Variants in MED13 observed in about 807,000 individuals in gnomAD.
MED13 encodes mediator complex subunit 13, also known as mediator of RNA polymerase II transcription subunit 13.
A neutral mutation model predicts 225.2 loss-of-function variants in MED13; 23 were observed. The ratio of observed to expected loss-of-function variants is 0.10; its 90% CI spans 0.07 to 0.14. MED13 has a LOEUF of 0.14. Ranked by LOEUF, MED13 falls within the 10% of genes least tolerant of loss-of-function variation. The pLI is 1.00. For missense variants in MED13, 2,197 were observed against 2,594.5 expected (o/e 0.85, Z 3.33); for synonymous variants, 942 against 889.2 (o/e 1.06, Z -1.06).
At position 62,033,855 on chromosome 17, in the gene MED13, A is replaced by G. The variant is rs773966825; in HGVS notation, c.746T>C (p.Met249Thr). ...CATATCTTCCTGTTTTTCTTCAGACATCTCCTTCAAGCAACATGAGATAGG... is the reference window on the plus strand; with the variant it reads ...CATATCTTCCTGTTTTTCTTCAGACGTCTCCTTCAAGCAACATGAGATAGG... ...FYPISCCLKEMSEEKQEDMDW... is the reference protein window; with the variant it reads ...FYPISCCLKETSEEKQEDMDW... The change falls in exon 5 of 30, where the codon ATG (methionine) becomes ACG (threonine). Residue 249 changes from methionine (M) to threonine (T), a missense_variant. Around this residue, in one of 12 missense-constraint regions of MED13, gnomAD observed 884 missense variants for 918.5 expected, o/e 0.96. Transcript: ENST00000397786. 2 of 1,614,112 alleles carry G rather than the reference A, an allele frequency of 1.2e-6. No individual in the cohort carries two copies. The highest frequency in any genetic ancestry group is 1.1e-5 in the South Asian group (1 of 91,082).
At chr17:61,948,116 T>TA (rs1294571713) in intron 28 of MED13, among the ~76,000 whole-genome samples, 1 of 151,768 alleles carries the variant, frequency 6.6e-6, no homozygotes, top group Non-Finnish European at 1.5e-5. Context: ...ATTCCTATGA[T>TA]AAAAAGGGAT....
In MED13 at chr17:61,955,746, A is replaced by G; in HGVS notation, c.5716T>C (p.Ser1906Pro). The G allele has an allele frequency of 6.2e-7, 1 of 1,609,430 alleles. No individual in the cohort carries two copies. Among genetic ancestry groups the G allele is most frequent in the Non-Finnish European group, 8.5e-7 (1 of 1,177,786 alleles). The change falls in exon 25 of 30, where the codon TCC becomes CCC. Residue 1906 changes from serine (S) to proline (P), a missense_variant. Ser to Pro is a moderately conservative substitution (Grantham distance 74). Around this residue, in one of 12 missense-constraint regions of MED13, gnomAD observed 216 missense variants for 388.9 expected, o/e 0.56. Coordinates refer to ENST00000397786, the MANE Select transcript of MED13 (RefSeq NM_005121.3). ...AAGCAAGCACTGAGAATGCTAGGGGAGTCTGCAGCAGATATACCACACATT... is the reference window on the plus strand; with the variant it reads ...AAGCAAGCACTGAGAATGCTAGGGGGGTCTGCAGCAGATATACCACACATT... ...CRMCGISAAD[S>P]PSILSACLVA...
rs984294268 is a variant in MED13 at position 62,031,370 on chromosome 17, A to G, written c.1009+74T>C. The stretch of plus-strand genomic sequence containing the variant: ...AAGAAGTTTGAAACTATTTCAAAAT[A>G]AATTATTTCTTAAGTACTTACTGTA... On this transcript the variant is annotated intron_variant, in intron 6 of 29. Transcript: ENST00000397786. The G allele has an allele frequency of 4.9e-6, 6 of 1,229,546 alleles. No individual in the cohort carries two copies. The African/African-American group carries it at 9.3e-5, about 19-fold the overall frequency. 76.2% of individuals were successfully genotyped at this position (1,229,546 alleles called of 1,614,324 possible). A position where few individuals can be genotyped will look rare whatever the true frequency, so the allele number is the denominator to read the frequency against.
chr17:61,994,367 T>C (rs950884765), intron 10 of MED13, among the ~76,000 whole-genome samples: 3 of 152,224 alleles, frequency 2.0e-5, no homozygotes, highest in East Asian at 1.9e-4. Flanking sequence ...CAAATTCTCA[T>C]ATATTTGATT....
chr17:61,990,554 T>A (rs1234202575), intron 11 of MED13, among the ~76,000 whole-genome samples: 2 of 150,510 alleles, frequency 1.3e-5, no homozygotes, highest in East Asian at 3.9e-4. Context: ...ATATATATAT[T>A]TTTTAGTATG....
intron 8 of MED13, among the ~76,000 whole-genome samples, chr17:62,018,881 A>C (rs1220881274): frequency 1.3e-5 from 2 of 152,246 alleles, no homozygotes; most frequent in African/African-American, 4.8e-5. Flanking sequence ...AAAATGTGCC[A>C]ACATTCAGAT....
At chr17:61,976,179 G>A (rs926201058) in intron 16 of MED13, among the ~76,000 whole-genome samples, 3 of 152,148 alleles carry the variant, frequency 2.0e-5, no homozygotes, top group Non-Finnish European at 4.4e-5. Context: ...ATCAACTAAT[G>A]AATGGATAAA....
chr17:61,971,445 C>T (rs1301324824), intron 17 of MED13, among the ~76,000 whole-genome samples: 4 of 151,748 alleles, frequency 2.6e-5, no homozygotes, highest in Admixed American at 6.6e-5. Context: ...ATTACAGACA[C>T]GCACCACCAT....
intron 8 of MED13, among the ~76,000 whole-genome samples, chr17:62,015,948 ATATATATTTTTTTTTTTTT>A (rs1361623233): frequency 6.2e-4 from 9 of 14,630 alleles, no homozygotes; most frequent in African/African-American, 1.3e-3. Context: ...ATATATATAT[ATATATATTTTTTTTTTTTT>A]TTTTTTTTTT....
intron 10 of MED13, among the ~76,000 whole-genome samples, chr17:61,993,615 T>G (rs1160302753): frequency 1.3e-5 from 2 of 152,042 alleles, no homozygotes; most frequent in African/African-American, 2.4e-5. Context: ...TAAAACTTTG[T>G]GAAACTAATT....
At chr17:61,947,093 AAT>A in intron 28 of MED13, 76 bp from the exon 29 acceptor site, 1 of 956,728 alleles carries the variant, frequency 1.0e-6, no homozygotes, top group Non-Finnish European at 1.7e-6. Flanking sequence ...TTATTCTCCC[AAT>A]ATATCTTATA....
chr17:62,010,378 A>T, intron 9 of MED13, 172 bp downstream of exon 9: 1 of 428,958 alleles, frequency 2.3e-6, no homozygotes. Flanking sequence ...GTTATTTCAT[A>T]ATGAAGAAGT....
At position 62,065,146 on chromosome 17, in the gene MED13, G is replaced by A; in HGVS notation, c.60C>T (p.Phe20=). The A allele has an allele frequency of 6.3e-7, 1 of 1,575,278 alleles. No individual in the cohort carries two copies. Residue 20 remains phenylalanine (F), a synonymous_variant, in exon 1 of 30, where the codon TTC becomes TTT. Transcript: ENST00000397786. ...ASLEDCHCNL[F]CLADLTGIKW... ...CGCCGGCCCCGGCACTCACCAGGCA[G>A]AAGAGGTTACAGTGACAATCTTCCA... is the stretch of plus-strand genomic sequence containing the variant.
intron 11 of MED13, among the ~76,000 whole-genome samples, chr17:61,988,166 T>C (rs1195490928): frequency 6.6e-6 from 1 of 152,124 alleles, no homozygotes; most frequent in Non-Finnish European, 1.5e-5. Context: ...CCTCGACAAA[T>C]TACTTAATGT....
chr17:61,949,415 C>G (rs775741484), intron 28 of MED13, among the ~76,000 whole-genome samples: 30 of 152,034 alleles, frequency 2.0e-4, no homozygotes, highest in Non-Finnish European at 3.4e-4. Flanking sequence ...TTTAGAGAGA[C>G]AAAATTTCAC....
At position 62,004,665 on chromosome 17, in the gene MED13, T is replaced by A. The variant is rs541606109; in HGVS notation, c.1967+5885A>T. ...CAATCTTACAGATCAGGAGAAAGGG[T>A]CTGGATTTTACTCTAAGTGTAAAGG... On this transcript the variant is annotated intron_variant, in intron 9 of 29. Transcript: ENST00000397786. 2.0e-5 allele frequency: 3 copies of A among 152,184 alleles called. No homozygotes were observed. The East Asian group carries it at 5.8e-4, about 29-fold the overall frequency. The allele number at this position is 152,184 out of a possible 1,614,324, so 9.4% of individuals were successfully genotyped here.
intron 8 of MED13, among the ~76,000 whole-genome samples, chr17:62,015,643 C>A (rs974195792): frequency 1.3e-5 from 2 of 148,958 alleles, no homozygotes; most frequent in Admixed American, 1.4e-4. Flanking sequence ...GCGTGATCTC[C>A]GCTCACTGTA....
intron 23 of MED13, among the ~76,000 whole-genome samples, chr17:61,958,318 C>A (rs186214050): frequency 6.6e-6 from 1 of 152,174 alleles, no homozygotes; most frequent in South Asian, 2.1e-4. Flanking sequence ...CAGGCGCGTG[C>A]GACCACACCC....
chr17:61,953,108 C>T lies in MED13; in HGVS notation c.5974G>A (p.Ala1992Thr). 1 of 1,613,180 alleles carries T rather than the reference C, an allele frequency of 6.2e-7. No individual in the cohort carries two copies. The highest frequency in any genetic ancestry group is 1.1e-5 in the South Asian group (1 of 90,966). Residue 1992 changes from alanine to threonine, a missense_variant, in exon 27 of 30, where the codon GCA becomes ACA. Ala to Thr is a moderately conservative substitution (Grantham distance 58). Transcript: ENST00000397786. ...AAATCAAAGATACCCATTCCATCTG[C>T]TCCATCTAAACAGGAGAAAGAAAAG... The part of the protein sequence containing the change: ...DLAFNPNNDG[A>T]DGMGIFDLLD...
Sources: gnomAD v4.1 joint callset for allele counts (sites outside exome capture counted in the v4.1 genomes callset) on GRCh38, gnomAD v4.1.1 for gene constraint, gnomAD v4.1.1 regional missense constraint, MANE v1.5 for transcripts, NCBI Gene and HGNC (gene_info 2026-07-23, HGNC 2026-07-21) for gene names.